The following HTR2C variants were observed in gnomAD, a reference collection of about 807,000 sequenced individuals.
HTR2C encodes 5-hydroxytryptamine (serotonin) receptor 2C, G protein-coupled.
A neutral mutation model predicts 21.0 loss-of-function variants in HTR2C; 5 were observed. The ratio of observed to expected loss-of-function variants is 0.24; its 90% CI spans 0.12 to 0.50. The LOEUF is 0.50. Among genes scored for constraint, HTR2C ranks in the 20% least tolerant of loss-of-function variants. The probability of loss-of-function intolerance (pLI) is 0.98; values close to 1 mark genes in which losing one functional copy is unlikely to be tolerated. For missense variants in HTR2C, 271 were observed against 371.2 expected, an observed-to-expected ratio of 0.73 and a Z score of 2.22; for synonymous variants, 150 against 145.3, an observed-to-expected ratio of 1.03 and a Z score of -0.23.
At chrX:114,603,564 G>A (rs1928243097) in intron 1 of HTR2C, among the ~76,000 whole-genome samples, 1 of 103,903 alleles carries the variant, frequency 9.6e-6, no homozygotes, top group Non-Finnish European at 2.0e-5. Flanking sequence ...GACACGATTG[G>A]CAGAGGGAGC....
chrX:114,660,550 A>T (rs1930947354), intron 2 of HTR2C, among the ~76,000 whole-genome samples: 1 of 112,496 alleles, frequency 8.9e-6, no homozygotes, highest in Admixed American at 9.4e-5. Context: ...TATTATTTCC[A>T]TTGAGTTGTA....
intron 2 of HTR2C, among the ~76,000 whole-genome samples, chrX:114,714,270 A>T (rs1556419510): frequency 8.9e-6 from 1 of 112,122 alleles, no homozygotes; most frequent in Non-Finnish European, 1.9e-5. Context: ...TGAGAATTAA[A>T]CCACTAAAGT....
intron 5 of HTR2C, among the ~76,000 whole-genome samples, chrX:114,890,477 A>G (rs781790009): frequency 2.7e-5 from 3 of 112,137 alleles, no homozygotes; most frequent in Middle Eastern, 4.3e-3. Context: ...ATGAGTTACT[A>G]TCTCATGTCA....
chrX:114,889,899 T>C (rs2071246684), intron 5 of HTR2C, among the ~76,000 whole-genome samples: 1 of 111,806 alleles, frequency 8.9e-6, no homozygotes, highest in African/African-American at 3.3e-5. Context: ...GGAACGGTTC[T>C]TAGTGATATT....
At chrX:114,736,177 A>G (rs1398131253) in intron 4 of HTR2C, among the ~76,000 whole-genome samples, 3 of 111,501 alleles carry the variant, frequency 2.7e-5, no homozygotes, top group Non-Finnish European at 3.8e-5. Flanking sequence ...AATATGACAG[A>G]GTTAAAATCA....
intron 4 of HTR2C, among the ~76,000 whole-genome samples, chrX:114,845,425 T>C (rs782756567): frequency 2.2e-4 from 24 of 110,533 alleles, no homozygotes; most frequent in Non-Finnish European, 4.4e-4. Context: ...TAAAATGAAC[T>C]CAATTAATGA....
rs1402720484 is a variant in HTR2C at position 114,605,421 on chromosome X, T to C, written c.-146-8394T>C. Among the ~76,000 whole-genome samples the C allele has an allele frequency of 5.4e-5, 6 of 110,698 alleles. No individual in the cohort carries two copies. In the East Asian group the frequency reaches 1.4e-3, roughly 26 times the overall value. On this transcript the variant is annotated intron_variant, in intron 1 of 5. Transcript: ENST00000276198. The stretch of plus-strand genomic sequence containing the variant: ...AAGGAAGATTAGACAGACTCAGCAA[T>C]GCTTGGGGTTGGTACTGAGGGGACA...
intron 2 of HTR2C, among the ~76,000 whole-genome samples, chrX:114,635,809 G>A (rs1337014375): frequency 8.9e-6 from 1 of 111,751 alleles, no homozygotes; most frequent in Non-Finnish European, 1.9e-5. Context: ...AATATTTCTT[G>A]CAGGTAAATG....
chrX:114,680,711 G>T (rs1178198930), intron 2 of HTR2C, among the ~76,000 whole-genome samples: 1 of 111,594 alleles, frequency 9.0e-6, no homozygotes, highest in East Asian at 2.8e-4. Context: ...GAAACAGAAT[G>T]AAGTTTGGAT....
At chrX:114,719,039 A>G (rs910272858) in intron 2 of HTR2C, among the ~76,000 whole-genome samples, 19 of 103,694 alleles carry the variant, frequency 1.8e-4, no homozygotes, top group Admixed American at 1.4e-3. Flanking sequence ...ATAATATAAT[A>G]ATATTAATAA....
At chrX:114,857,819 T>G (rs1357774429) in intron 5 of HTR2C, among the ~76,000 whole-genome samples, 2 of 111,056 alleles carry the variant, frequency 1.8e-5, no homozygotes, top group Non-Finnish European at 3.8e-5. Context: ...ATTTCCTTCC[T>G]TTCTTAAGTG....
chrX:114,824,706 C>T (rs143316131), intron 4 of HTR2C, among the ~76,000 whole-genome samples: 177 of 112,263 alleles, frequency 1.6e-3, no homozygotes, highest in African/African-American at 5.2e-3. Flanking sequence ...GTCAACCATC[C>T]TGGCTTTGGC....
chrX:114,892,926 T>A (rs1019880977), intron 5 of HTR2C, among the ~76,000 whole-genome samples: 117 of 103,691 alleles, frequency 1.1e-3, no homozygotes, highest in African/African-American at 3.6e-3. Context: ...TTTTATTTTT[T>A]TTTTGAGATG....
intron 2 of HTR2C, among the ~76,000 whole-genome samples, chrX:114,638,267 T>C (rs1191983079): frequency 1.8e-5 from 2 of 111,461 alleles, no homozygotes; most frequent in Non-Finnish European, 3.8e-5. Flanking sequence ...CAATATAATG[T>C]GGAAATTCAT....
intron 2 of HTR2C, among the ~76,000 whole-genome samples, chrX:114,669,366 GA>G (rs1254889693): frequency 2.7e-5 from 3 of 111,715 alleles, no homozygotes; most frequent in Non-Finnish European, 5.6e-5. Context: ...CATTGGAGAA[GA>G]AAAACTTCAT....
At chrX:114,703,755 A>C (rs1556417406) in intron 2 of HTR2C, among the ~76,000 whole-genome samples, 2 of 110,953 alleles carry the variant, frequency 1.8e-5, no homozygotes, top group Non-Finnish European at 3.8e-5. Flanking sequence ...CCCTTCAAAA[A>C]ATTATTGAAT....
At chrX:114,848,315 G>T in intron 5 of HTR2C, 112 bp downstream of exon 5, 2 of 460,652 alleles carry the variant, frequency 4.3e-6, no homozygotes, top group Non-Finnish European at 7.1e-6. Flanking sequence ...GTTTGATCGG[G>T]TTCTTTTATT....
intron 4 of HTR2C, among the ~76,000 whole-genome samples, chrX:114,786,844 A>T (rs1556442237): frequency 1.8e-5 from 2 of 111,180 alleles, no homozygotes; most frequent in Admixed American, 9.6e-5. Context: ...TTATTAGTTT[A>T]AAAAAAGGTG....
intron 4 of HTR2C, among the ~76,000 whole-genome samples, chrX:114,829,787 C>A: frequency 9.0e-6 from 1 of 111,443 alleles, no homozygotes; most frequent in Non-Finnish European, 1.9e-5. Context: ...CAGCTGACTG[C>A]AGATAAATAG....
Sources: allele counts gnomAD v4.1 joint callset (sites outside exome capture counted in the v4.1 genomes callset), GRCh38; gene constraint gnomAD v4.1.1; transcripts MANE v1.5; gene names NCBI Gene and HGNC (gene_info 2026-07-23, HGNC 2026-07-21).